Variants in ZFYVE28 observed in about 807,000 individuals in gnomAD.
ZFYVE28 encodes lateral signaling target protein 2 homolog.
Under a neutral mutation model 82.1 loss-of-function variants are expected in ZFYVE28, and 40 were observed. The ratio of observed to expected loss-of-function variants is 0.49; its 90% CI spans 0.38 to 0.63. The LOEUF (loss-of-function observed/expected upper bound fraction) is 0.63. Ranked by LOEUF, ZFYVE28 falls within the 30% of genes least tolerant of loss-of-function variation. The pLI, the probability that ZFYVE28 is intolerant of heterozygous loss-of-function variation, is 0.00. For synonymous variants in ZFYVE28, 612 were observed against 546.1 expected (o/e 1.12, Z -1.68); for missense variants, 1,321 against 1,242.1 (o/e 1.06, Z -0.96).
intron 8 of ZFYVE28, among the ~76,000 whole-genome samples, chr4:2,302,139 T>C (rs1715652892): frequency 6.6e-6 from 1 of 152,166 alleles, no homozygotes; most frequent in Admixed American, 6.5e-5. Flanking sequence ...AATACGGGGA[T>C]GGGGGATACG....
chr4:2,291,685 G>T (rs1713727236), intron 8 of ZFYVE28, among the ~76,000 whole-genome samples: 1 of 152,206 alleles, frequency 6.6e-6, no homozygotes, highest in African/African-American at 2.4e-5. Flanking sequence ...CAGCACTACA[G>T]GCCTGGACTC....
At chr4:2,403,703 G>T (rs995191696) in intron 1 of ZFYVE28, among the ~76,000 whole-genome samples, 4 of 152,146 alleles carry the variant, frequency 2.6e-5, no homozygotes, top group Non-Finnish European at 4.4e-5. Flanking sequence ...AGTGGCTCAC[G>T]CCTGTAATCC....
At position 2,335,874 on chromosome 4, in the gene ZFYVE28, G is replaced by T; in HGVS notation, c.612-80C>A. On this transcript the variant is annotated intron_variant, in intron 5 of 12. Transcript: ENST00000290974. This position sits in a 1 kb window ranked among gnomAD's most constrained non-coding sequence, Gnocchi z 5.8. ...GGTTGGACCCCAGCAGGGACAGGCA[G>T]TGCGCTCAATCTGTACCTGCAGCCA... 7.9e-7 allele frequency: 1 copy of T among 1,268,064 alleles called. No individual in the cohort carries two copies. The highest frequency in any genetic ancestry group is 1.1e-6 in the Non-Finnish European group (1 of 895,524). The allele number at this position is 1,268,064 out of a possible 1,614,324, so 78.6% of individuals were successfully genotyped here.
rs756980025 is a variant in ZFYVE28 at position 2,320,212 on chromosome 4, G to C, written c.761C>G (p.Ser254Cys). 1 of 1,614,014 alleles carries C rather than the reference G, an allele frequency of 6.2e-7. No individual in the cohort carries two copies. ...LNLDRKVEDM[S>C]ELFRPFHTLL... ...CGTGTGGAAGGGCCGGAACAGCTCGGACATGTCTTCCACCTTGCGGTCCAA... is the reference window on the plus strand; with the variant it reads ...CGTGTGGAAGGGCCGGAACAGCTCGCACATGTCTTCCACCTTGCGGTCCAA... The change falls in exon 7 of 13, where the codon TCC (serine) becomes TGC (cysteine). Residue 254 changes from serine to cysteine, a missense_variant. Coordinates refer to ENST00000290974, the MANE Select transcript of ZFYVE28 (RefSeq NM_020972.3). The surrounding 1 kb of genome is among the most constrained non-coding windows in gnomAD (Gnocchi z 5.1).
At chr4:2,386,462 G>A (rs1446107823) in intron 1 of ZFYVE28, among the ~76,000 whole-genome samples, 2 of 152,128 alleles carry the variant, frequency 1.3e-5, no homozygotes, top group South Asian at 2.1e-4. Context: ...TCCAGCCTGG[G>A]CAACACAGGG....
intron 5 of ZFYVE28, among the ~76,000 whole-genome samples, chr4:2,336,246 G>A (rs764611912): frequency 2.0e-4 from 30 of 152,288 alleles, no homozygotes; most frequent in Non-Finnish European, 3.7e-4. Context: ...TCTCCTCCCC[G>A]GGGCTTGTGG....
chr4:2,397,659 G>T (rs1324245865), intron 1 of ZFYVE28, among the ~76,000 whole-genome samples: 1 of 152,050 alleles, frequency 6.6e-6, no homozygotes, highest in East Asian at 1.9e-4. Flanking sequence ...CCTCACGTCG[G>T]TGGAATCAGA....
chr4:2,269,694 T>C lies in ZFYVE28; in HGVS notation c.*1031A>G, dbSNP rs1302783361. 6.6e-6 allele frequency: 1 copy of C among 151,924 alleles called. No individual in the cohort carries two copies. The highest frequency in any genetic ancestry group is 2.4e-5 in the African/African-American group (1 of 41,344). 9.4% of individuals were successfully genotyped at this position (151,924 alleles called of 1,614,324 possible). On this transcript the variant is annotated 3_prime_UTR_variant, in exon 13 of 13. Transcript: ENST00000290974. ...ATAATATTTCCTCCATTATATACTCTCCCCCCGACAGAAGCCGTTTCTATG... is the reference window on the plus strand; with the variant it reads ...ATAATATTTCCTCCATTATATACTCCCCCCCCGACAGAAGCCGTTTCTATG...
chr4:2,388,146 C>T (rs1729469944), intron 1 of ZFYVE28, among the ~76,000 whole-genome samples: 1 of 152,242 alleles, frequency 6.6e-6, no homozygotes, highest in Non-Finnish European at 1.5e-5. Flanking sequence ...CCCGTGCGAA[C>T]CTAAGGGTTT....
At chr4:2,360,125 G>A (rs186497723) in intron 1 of ZFYVE28, among the ~76,000 whole-genome samples, 5 of 152,148 alleles carry the variant, frequency 3.3e-5, no homozygotes, top group African/African-American at 4.8e-5. Context: ...TTGCCTGCGC[G>A]TGGGAAAGGG....
At chr4:2,297,106 A>G (rs533672264) in intron 8 of ZFYVE28, among the ~76,000 whole-genome samples, 3 of 152,348 alleles carry the variant, frequency 2.0e-5, no homozygotes, top group African/African-American at 4.8e-5. Context: ...AACGAAGCAC[A>G]TCAGAAGTGC....
At chr4:2,291,458 T>C (rs1295153493) in intron 8 of ZFYVE28, among the ~76,000 whole-genome samples, 2 of 152,134 alleles carry the variant, frequency 1.3e-5, no homozygotes, top group Non-Finnish European at 2.9e-5. Flanking sequence ...GGCCAATGCT[T>C]ACCAAGCAGG....
intron 2 of ZFYVE28, among the ~76,000 whole-genome samples, chr4:2,349,285 C>T (rs1408312459): frequency 6.8e-6 from 1 of 146,402 alleles, no homozygotes; most frequent in Admixed American, 7.2e-5. Flanking sequence ...GCAAACACCG[C>T]ATATTCTCAC....
intron 1 of ZFYVE28, among the ~76,000 whole-genome samples, chr4:2,377,326 G>A (rs936736185): frequency 6.6e-6 from 1 of 152,134 alleles, no homozygotes; most frequent in Non-Finnish European, 1.5e-5. Context: ...CCGGCCTAGG[G>A]CTTTACTTTT....
At chr4:2,410,527 G>T (rs547891927) in intron 1 of ZFYVE28, among the ~76,000 whole-genome samples, 1 of 139,870 alleles carries the variant, frequency 7.1e-6, no homozygotes, top group Non-Finnish European at 1.5e-5. Flanking sequence ...ATAGAGTCTC[G>T]CTCTGTTGCC....
chr4:2,312,726 CAAAAAAAAAAA>C (rs1170479977), intron 7 of ZFYVE28, among the ~76,000 whole-genome samples: 3 of 64,932 alleles, frequency 4.6e-5, no homozygotes, highest in African/African-American at 2.0e-4. Flanking sequence ...GACTCTGCCT[CAAAAAAAAAAA>C]AAAAAAAAAA....
chr4:2,345,412 T>C (rs1250982393), intron 2 of ZFYVE28, among the ~76,000 whole-genome samples: 9 of 151,798 alleles, frequency 5.9e-5, no homozygotes, highest in African/African-American at 2.2e-4. Flanking sequence ...GAGATGAAAA[T>C]TACAGTGTCT....
chr4:2,275,548 C>G (rs1486624033), intron 8 of ZFYVE28, among the ~76,000 whole-genome samples: 1 of 152,202 alleles, frequency 6.6e-6, no homozygotes, highest in Non-Finnish European at 1.5e-5. Flanking sequence ...CCACTGGCAT[C>G]CTGCACGGCC....
chr4:2,297,199 C>G (rs2096038149), intron 8 of ZFYVE28, among the ~76,000 whole-genome samples: 1 of 152,268 alleles, frequency 6.6e-6, no homozygotes. Flanking sequence ...GGGCTGCGCA[C>G]CGGGAGCCAG....
Sources: gnomAD v4.1 joint callset for allele counts (sites outside exome capture counted in the v4.1 genomes callset) on GRCh38, gnomAD v4.1.1 for gene constraint, Gnocchi (gnomAD v3.1) non-coding constraint, MANE v1.5 for transcripts, NCBI Gene and HGNC (gene_info 2026-07-23, HGNC 2026-07-21) for gene names.